Variants in PLA2G4A observed in about 807,000 individuals in gnomAD.
PLA2G4A encodes the protein phospholipase A2 group IVA.
A neutral mutation model predicts 81.9 loss-of-function variants in PLA2G4A; 40 were observed. That is an observed-to-expected ratio of 0.49 (90% CI 0.38 to 0.64). The LOEUF is 0.64. Among genes scored for constraint, PLA2G4A ranks in the 30% least tolerant of loss-of-function variants. PLA2G4A has a pLI of 0.00. For synonymous variants in PLA2G4A, 302 were observed against 296.9 expected, an observed-to-expected ratio of 1.02 and a Z score of -0.18; for missense variants, 715 against 905.1, an observed-to-expected ratio of 0.79 and a Z score of 2.69.
intron 7 of PLA2G4A, among the ~76,000 whole-genome samples, chr1:186,924,066 T>C (rs1397512259): frequency 6.6e-6 from 1 of 152,344 alleles, no homozygotes; most frequent in Non-Finnish European, 1.5e-5. Flanking sequence ...CCATCAGATA[T>C]GGATCCTAAG....
At chr1:186,940,166 G>C (rs1319865635) in intron 10 of PLA2G4A, 72 bp downstream of exon 10, 4 of 842,644 alleles carry the variant, frequency 4.7e-6, no homozygotes, top group Non-Finnish European at 8.4e-6. Context: ...TTCCTTAGAG[G>C]AAGGTCATAA....
rs1656919487 is a variant in PLA2G4A, at chr1:186,960,895, T to C, written c.1580-4514T>C. Among the ~76,000 whole-genome samples the C allele has an allele frequency of 2.6e-5, 4 of 152,306 alleles. No homozygotes were observed. In the South Asian group the frequency reaches 8.3e-4, roughly 32 times the overall value. On this transcript the variant is annotated intron_variant, in intron 14 of 17. Transcript: ENST00000367466. ...TGGCTAGTACTTTAAGTTGTTGAATTTTGTCTTTCTCAAGACATGACCTTA... is the reference window on the plus strand; with the variant it reads ...TGGCTAGTACTTTAAGTTGTTGAATCTTGTCTTTCTCAAGACATGACCTTA...
At chr1:186,880,323 A>C (rs1653682213) in intron 3 of PLA2G4A, among the ~76,000 whole-genome samples, 1 of 152,024 alleles carries the variant, frequency 6.6e-6, no homozygotes, top group African/African-American at 2.4e-5. Flanking sequence ...CATAAGAACA[A>C]TATTTAAAGT....
At chr1:186,892,623 C>T (rs995896607) in intron 3 of PLA2G4A, among the ~76,000 whole-genome samples, 13 of 152,158 alleles carry the variant, frequency 8.5e-5, no homozygotes, top group Non-Finnish European at 1.8e-4. Flanking sequence ...GCATTTGTCT[C>T]TAGCTTTAAG....
At chr1:186,894,028 G>A (rs1215608396) in intron 4 of PLA2G4A, 70 bp from the exon 5 acceptor site, 3 of 764,144 alleles carry the variant, frequency 3.9e-6, no homozygotes, top group African/African-American at 1.7e-5. Context: ...AAATGTGGTG[G>A]AAATTATAGA....
At chr1:186,882,248 G>T (rs1653761605) in intron 3 of PLA2G4A, among the ~76,000 whole-genome samples, 1 of 152,016 alleles carries the variant, frequency 6.6e-6, no homozygotes, top group Non-Finnish European at 1.5e-5. Flanking sequence ...CACCCAATAG[G>T]AAAACAAAAC....
chr1:186,882,882 G>A (rs1653785947), intron 3 of PLA2G4A, among the ~76,000 whole-genome samples: 1 of 152,036 alleles, frequency 6.6e-6, no homozygotes, highest in South Asian at 2.1e-4. Flanking sequence ...TTGGATATTT[G>A]AATCGTGAAG....
chr1:186,832,594 T>C (rs1190637422), intron 1 of PLA2G4A, among the ~76,000 whole-genome samples: 1 of 152,198 alleles, frequency 6.6e-6, no homozygotes, highest in Admixed American at 6.5e-5. Flanking sequence ...CTTGGATAAT[T>C]GATATACGAA....
intron 1 of PLA2G4A, among the ~76,000 whole-genome samples, chr1:186,843,890 T>G (rs1446068715): frequency 6.6e-6 from 1 of 152,240 alleles, no homozygotes; most frequent in Non-Finnish European, 1.5e-5. Context: ...CTCTCTTCTC[T>G]GAAACTCTAG....
intron 6 of PLA2G4A, among the ~76,000 whole-genome samples, chr1:186,907,959 C>T (rs1346525525): frequency 6.6e-6 from 1 of 152,168 alleles, no homozygotes; most frequent in Admixed American, 6.5e-5. Flanking sequence ...TGTTATTTGA[C>T]TGACTATGGA....
intron 5 of PLA2G4A, among the ~76,000 whole-genome samples, chr1:186,897,789 G>C (rs188890693): frequency 6.6e-6 from 1 of 152,144 alleles, no homozygotes; most frequent in Non-Finnish European, 1.5e-5. Context: ...GATTGCAGGC[G>C]TGAGCCACCA....
At chr1:186,842,532 T>G (rs1219424070) in intron 1 of PLA2G4A, among the ~76,000 whole-genome samples, 1 of 152,062 alleles carries the variant, frequency 6.6e-6, no homozygotes, top group East Asian at 1.9e-4. Flanking sequence ...TCCCAGTACC[T>G]CAGAATGTAA....
intron 3 of PLA2G4A, among the ~76,000 whole-genome samples, chr1:186,885,188 ATTC>A (rs2102091213): frequency 6.6e-6 from 1 of 152,276 alleles, no homozygotes; most frequent in East Asian, 1.9e-4. Context: ...CACTAGCCAA[ATTC>A]TTGATTCATG....
chr1:186,943,126 A>T (rs545640894), intron 10 of PLA2G4A, among the ~76,000 whole-genome samples: 1 of 152,354 alleles, frequency 6.6e-6, no homozygotes, highest in East Asian at 1.9e-4. Context: ...TTAAAAGTCA[A>T]ATAATCAAAT....
chr1:186,857,590 A>C (rs1233722556), intron 2 of PLA2G4A, among the ~76,000 whole-genome samples: 2 of 144,812 alleles, frequency 1.4e-5, no homozygotes, highest in African/African-American at 5.1e-5. Context: ...AAAATATATT[A>C]TATATATTTA....
At chr1:186,947,121 G>A (rs1055545944) in intron 12 of PLA2G4A, among the ~76,000 whole-genome samples, 160 bp downstream of exon 12, 4 of 152,068 alleles carry the variant, frequency 2.6e-5, no homozygotes, top group African/African-American at 7.2e-5. Context: ...AAAATAATAT[G>A]TTACTTCTTA....
chr1:186,853,056 A>T, intron 1 of PLA2G4A, among the ~76,000 whole-genome samples: 1 of 151,704 alleles, frequency 6.6e-6, no homozygotes, highest in East Asian at 1.9e-4. Flanking sequence ...CTTTAAAAAC[A>T]TTTTTTTTCT....
intron 3 of PLA2G4A, among the ~76,000 whole-genome samples, chr1:186,874,208 A>G (rs999728410): frequency 2.0e-5 from 3 of 152,094 alleles, no homozygotes; most frequent in African/African-American, 7.2e-5. Context: ...TTAACAGAAG[A>G]TATGTTTGCA....
intron 10 of PLA2G4A, among the ~76,000 whole-genome samples, chr1:186,945,454 T>C (rs1259968391): frequency 6.6e-6 from 1 of 152,130 alleles, no homozygotes. Flanking sequence ...ATTCTGGCTA[T>C]GGGATATCAA....
Sources: gnomAD v4.1 joint callset for allele counts (sites outside exome capture counted in the v4.1 genomes callset) on GRCh38, gnomAD v4.1.1 for gene constraint, MANE v1.5 for transcripts, NCBI Gene and HGNC (gene_info 2026-07-23, HGNC 2026-07-21) for gene names.